Variants in MGRN1 observed in about 807,000 individuals in gnomAD.
MGRN1 encodes mahogunin ring finger 1, also known as E3 ubiquitin-protein ligase MGRN1.
MGRN1 carries 29 observed loss-of-function variants against 69.2 expected under a neutral mutation model. The ratio of observed to expected loss-of-function variants is 0.42; its 90% CI spans 0.31 to 0.57. The LOEUF (loss-of-function observed/expected upper bound fraction) is 0.57, where lower values mean the gene tolerates loss of function less well. MGRN1 is among the 20% of genes least tolerant of loss of function. The pLI is 0.15. For synonymous variants in MGRN1, 470 were observed against 344.2 expected, an observed-to-expected ratio of 1.37 and a Z score of -4.04; for missense variants, 998 against 796.2, an observed-to-expected ratio of 1.25 and a Z score of -3.05.
chr16:4,671,309 G>A, intron 8 of MGRN1, 82 bp from the exon 9 acceptor site: 1 of 1,373,702 alleles, frequency 7.3e-7, no homozygotes, highest in South Asian at 1.2e-5. Flanking sequence ...GTAAGTTGGA[G>A]GCAGGGCTAG....
chr16:4,637,097 C>T (rs1314223034), intron 1 of MGRN1, among the ~76,000 whole-genome samples: 26 of 130,562 alleles, frequency 2.0e-4, no homozygotes, highest in Non-Finnish European at 2.7e-4. Context: ...CCAGCCCGGG[C>T]GACAGAGCAA....
intron 7 of MGRN1, among the ~76,000 whole-genome samples, chr16:4,667,503 G>C (rs1362202523): frequency 1.8e-4 from 28 of 152,246 alleles, no homozygotes; most frequent in Non-Finnish European, 3.4e-4. Context: ...GGCAGAGGCA[G>C]ATGGGACATC....
At chr16:4,658,537 GAA>G (rs559417564) in intron 5 of MGRN1, among the ~76,000 whole-genome samples, 1 of 115,706 alleles carries the variant, frequency 8.6e-6, no homozygotes, top group African/African-American at 2.7e-5. Flanking sequence ...TTCCGTCTCA[GAA>G]AAAAAAAAAA....
At chr16:4,647,170 C>G (rs2078291933) in intron 1 of MGRN1, among the ~76,000 whole-genome samples, 2 of 152,216 alleles carry the variant, frequency 1.3e-5, no homozygotes, top group African/African-American at 4.8e-5. Context: ...CAGCCGAGTC[C>G]TTCATGTGGT....
intron 1 of MGRN1, among the ~76,000 whole-genome samples, chr16:4,644,179 A>G (rs1366951744): frequency 1.3e-5 from 2 of 151,338 alleles, no homozygotes; most frequent in East Asian, 1.9e-4. Context: ...TTTAGTAGAG[A>G]TGGGGTTTTA....
At chr16:4,629,737 C>CAA (rs58368787) in intron 1 of MGRN1, among the ~76,000 whole-genome samples, 11 of 110,860 alleles carry the variant, frequency 9.9e-5, no homozygotes, top group East Asian at 2.6e-4. Flanking sequence ...GACACCGTCT[C>CAA]AAAAAAAAAA....
chr16:4,689,082 C>T lies in MGRN1; in HGVS notation c.*174C>T. Reference sequence around the variant, plus strand: ...GCACAGTGAACTGTCCCTTCTGAGTCTCCCTTTTCTACAGTTGATATATTT... The same window carrying T: ...GCACAGTGAACTGTCCCTTCTGAGTTTCCCTTTTCTACAGTTGATATATTT... On this transcript the variant is annotated 3_prime_UTR_variant, in exon 17 of 17. Coordinates refer to ENST00000262370, the MANE Select transcript of MGRN1 (RefSeq NM_015246.4). 1 of 821,360 alleles carries T rather than the reference C, an allele frequency of 1.2e-6. No individual in the cohort carries two copies. The highest frequency in any genetic ancestry group is 1.8e-6 in the Non-Finnish European group (1 of 557,754). 50.9% of individuals were successfully genotyped at this position (821,360 alleles called of 1,614,324 possible).
At chr16:4,688,351 C>G (rs2141994569) in intron 16 of MGRN1, 1 of 992,444 alleles carries the variant, frequency 1.0e-6, no homozygotes, top group Non-Finnish European at 1.2e-6. Context: ...GGGGGCTACT[C>G]TGAGCACGGG....
chr16:4,665,694 G>A (rs1270842043), intron 7 of MGRN1, among the ~76,000 whole-genome samples: 1 of 141,512 alleles, frequency 7.1e-6, no homozygotes, highest in African/African-American at 2.7e-5. Context: ...TTTTGAGGCG[G>A]AGTCTCACCC....
At chr16:4,668,336 C>A in intron 8 of MGRN1, 24 bp downstream of exon 8, 1 of 1,612,254 alleles carries the variant, frequency 6.2e-7, no homozygotes, top group Non-Finnish European at 8.5e-7. Flanking sequence ...GGAAATATGA[C>A]GTGCTTGAAT....
intron 16 of MGRN1, chr16:4,688,278 G>A: frequency 1.0e-6 from 1 of 986,146 alleles, no homozygotes; most frequent in Non-Finnish European, 1.2e-6. Flanking sequence ...GCGTCGTGCA[G>A]GCCACAGTCT....
At chr16:4,647,121 T>A (rs1162334857) in intron 1 of MGRN1, among the ~76,000 whole-genome samples, 1 of 152,250 alleles carries the variant, frequency 6.6e-6, no homozygotes, top group African/African-American at 2.4e-5. Flanking sequence ...CGTGCTGCTG[T>A]GGCCCTTGTC....
At chr16:4,676,493 C>A (rs749832691) in intron 10 of MGRN1, among the ~76,000 whole-genome samples, 1 of 152,170 alleles carries the variant, frequency 6.6e-6, no homozygotes, top group African/African-American at 2.4e-5. Flanking sequence ...GACTGGAGTT[C>A]AGAGCTCCCG....
At chr16:4,682,761 G>T (rs2079217457) in intron 13 of MGRN1, 62 bp from the exon 14 acceptor site, 3 of 1,443,030 alleles carry the variant, frequency 2.1e-6, no homozygotes, top group Non-Finnish European at 2.8e-6. Context: ...CATGGCTTTG[G>T]CAGGGTTAGC....
chr16:4,680,823 C>G (rs1003652934), intron 12 of MGRN1: 1 of 152,476 alleles, frequency 6.6e-6, no homozygotes, highest in African/African-American at 2.4e-5. Context: ...TCCCCGTGGT[C>G]TCCAGGCATC....
At chr16:4,685,841 G>A (rs2079300335) in intron 16 of MGRN1, among the ~76,000 whole-genome samples, 1 of 152,194 alleles carries the variant, frequency 6.6e-6, no homozygotes, top group Non-Finnish European at 1.5e-5. Context: ...CGGCATCACT[G>A]AACCCTGCTG....
At chr16:4,685,570 G>A (rs1007939656) in intron 16 of MGRN1, among the ~76,000 whole-genome samples, 2 of 152,280 alleles carry the variant, frequency 1.3e-5, no homozygotes, top group African/African-American at 2.4e-5. Flanking sequence ...AATGCCAGCA[G>A]GTCAGCCTGC....
intron 1 of MGRN1, among the ~76,000 whole-genome samples, chr16:4,646,105 G>A (rs959295734): frequency 6.6e-6 from 1 of 150,738 alleles, no homozygotes; most frequent in African/African-American, 2.5e-5. Flanking sequence ...GAGCGGCTCC[G>A]TCGGGGGGCT....
rs554030785 is a variant in MGRN1 at position 4,683,040 on chromosome 16, T to A, written c.1482+94T>A. On this transcript the variant is annotated intron_variant, in intron 14 of 16. Coordinates refer to ENST00000262370, the MANE Select transcript of MGRN1 (RefSeq NM_015246.4). ...ATCAGACCCCATCCCACTGCCCGCC[T>A]GGGCGCCCCCGTGCTTGTTGGCTCT... 227 of 1,472,824 alleles carry A rather than the reference T, an allele frequency of 1.5e-4. 1 individual carries two copies. The African/African-American group carries it at 2.7e-3, about 17-fold the overall frequency. 91.2% of individuals were successfully genotyped at this position (1,472,824 alleles called of 1,614,324 possible). A position where few individuals can be genotyped will look rare whatever the true frequency, so the allele number is the denominator to read the frequency against.
Sources: allele counts gnomAD v4.1 joint callset (sites outside exome capture counted in the v4.1 genomes callset), GRCh38; gene constraint gnomAD v4.1.1; transcripts MANE v1.5; gene names NCBI Gene and HGNC (gene_info 2026-07-23, HGNC 2026-07-21).